SCN8A: variants seen among roughly 807,000 people sequenced by gnomAD.
SCN8A encodes the protein sodium voltage-gated channel alpha subunit 8.
SCN8A carries 30 observed loss-of-function variants against 184.1 expected under a neutral mutation model. That is an observed-to-expected ratio of 0.16 (90% CI 0.12 to 0.22). SCN8A has a LOEUF of 0.22. Among genes scored for constraint, SCN8A ranks in the 10% least tolerant of loss-of-function variants. The pLI, the probability that SCN8A is intolerant of heterozygous loss-of-function variation, is 1.00. For synonymous variants in SCN8A, 852 were observed against 907.0 expected (o/e 0.94, Z 1.09); for missense variants, 1,057 against 2,498.9 (o/e 0.42, Z 12.30).
chr12:51,651,595 C>T (rs1224953137), intron 1 of SCN8A, among the ~76,000 whole-genome samples: 4 of 152,208 alleles, frequency 2.6e-5, no homozygotes, highest in Non-Finnish European at 5.9e-5. Context: ...GACTTATTCA[C>T]TACTATGAGA....
In SCN8A at chr12:51,806,903, G is replaced by C; in HGVS notation, c.5417G>C (p.Cys1806Ser). ...DPDATQFIEY[C>S]KLADFADALE... Reference sequence around the variant, plus strand: ...GATGCCACCCAGTTCATTGAGTACTGTAAGCTGGCAGACTTTGCAGATGCC... The same window carrying C: ...GATGCCACCCAGTTCATTGAGTACTCTAAGCTGGCAGACTTTGCAGATGCC... The change falls in exon 27 of 27, where the codon TGT becomes TCT. Residue 1806 changes from cysteine to serine, a missense_variant. Coordinates refer to ENST00000627620, the MANE Select transcript of SCN8A (RefSeq NM_001330260.2). This position sits in a 1 kb window ranked among gnomAD's most constrained non-coding sequence, Gnocchi z 8.7. 1 of 1,613,424 alleles carries C rather than the reference G, an allele frequency of 6.2e-7. No homozygotes were observed. The highest frequency in any genetic ancestry group is 1.7e-4 in the Middle Eastern group (1 of 6,056).
chr12:51,623,821 G>A (rs1277332355), intron 1 of SCN8A, among the ~76,000 whole-genome samples: 2 of 151,968 alleles, frequency 1.3e-5, no homozygotes, highest in East Asian at 3.9e-4. Context: ...GTGTCCATGT[G>A]TTCTCATTGT....
chr12:51,735,113 C>T (rs755711586), intron 12 of SCN8A, among the ~76,000 whole-genome samples: 7 of 152,200 alleles, frequency 4.6e-5, no homozygotes, highest in African/African-American at 7.2e-5. Flanking sequence ...GCTCCCACAA[C>T]GAGCCCTATC....
chr12:51,686,032 T>C (rs369227293), intron 3 of SCN8A, among the ~76,000 whole-genome samples: 86 of 152,304 alleles, frequency 5.6e-4, no homozygotes, highest in African/African-American at 1.9e-3. Flanking sequence ...AGTGCAAAGG[T>C]ATTATACTAA....
intron 12 of SCN8A, among the ~76,000 whole-genome samples, chr12:51,734,118 G>A (rs2138805894): frequency 1.3e-5 from 2 of 151,966 alleles, no homozygotes; most frequent in South Asian, 2.1e-4. Flanking sequence ...CTAATTTGGG[G>A]TTTTGTTTGC....
intron 11 of SCN8A, among the ~76,000 whole-genome samples, chr12:51,721,038 G>T (rs1331825867): frequency 1.4e-5 from 2 of 139,144 alleles, no homozygotes; most frequent in Admixed American, 7.3e-5. Flanking sequence ...CCACACTCCA[G>T]CCTGGGCCAC....
chr12:51,666,035 C>T (rs1369605004), intron 2 of SCN8A, among the ~76,000 whole-genome samples: 1 of 151,914 alleles, frequency 6.6e-6, no homozygotes, highest in Non-Finnish European at 1.5e-5. Flanking sequence ...GCACTCCAGC[C>T]TGGGTGACAG....
At chr12:51,682,527 A>G (rs945446786) in intron 2 of SCN8A, among the ~76,000 whole-genome samples, 19 of 152,170 alleles carry the variant, frequency 1.2e-4, no homozygotes, top group African/African-American at 4.6e-4. Context: ...AAGGACATAG[A>G]TGTATGCTTT....
At chr12:51,671,297 G>A (rs969761179) in intron 2 of SCN8A, among the ~76,000 whole-genome samples, 7 of 152,154 alleles carry the variant, frequency 4.6e-5, no homozygotes, top group African/African-American at 2.4e-5. Flanking sequence ...GGTTTAACTC[G>A]GGTTAGATAT....
At chr12:51,636,358 G>A (rs1168956382) in intron 1 of SCN8A, among the ~76,000 whole-genome samples, 2 of 152,120 alleles carry the variant, frequency 1.3e-5, no homozygotes, top group African/African-American at 2.4e-5. Flanking sequence ...GTCGCTGTTT[G>A]TATCTGGAGT....
chr12:51,694,597 C>T (rs978860329), intron 6 of SCN8A, among the ~76,000 whole-genome samples: 2 of 152,160 alleles, frequency 1.3e-5, no homozygotes, highest in Non-Finnish European at 2.9e-5. Context: ...TTTGCCCCCA[C>T]GTGGCTTCTG....
chr12:51,684,120 T>C, intron 2 of SCN8A, 54 bp from the exon 3 acceptor site: 1 of 864,716 alleles, frequency 1.2e-6, no homozygotes, highest in Admixed American at 1.7e-5. Context: ...CATTGTTTCA[T>C]GTGGTGACTC....
intron 8 of SCN8A, among the ~76,000 whole-genome samples, chr12:51,702,105 C>T (rs1421393874): frequency 2.6e-5 from 4 of 151,854 alleles, no homozygotes; most frequent in Admixed American, 1.3e-4. Context: ...AGGCAGATCC[C>T]GAGGTCAGGA....
In SCN8A at chr12:51,809,795, AT is replaced by A. The variant is rs1179963946; in HGVS notation, c.*2367del. The A allele has an allele frequency of 1.3e-5, 2 of 152,190 alleles. No individual in the cohort carries two copies. The highest frequency in any genetic ancestry group is 3.8e-4 in the East Asian group (2 of 5,202). 9.4% of individuals were successfully genotyped at this position (152,190 alleles called of 1,614,324 possible). On this transcript the variant is annotated 3_prime_UTR_variant, in exon 27 of 27. Coordinates refer to ENST00000627620, the MANE Select transcript of SCN8A (RefSeq NM_001330260.2). The stretch of plus-strand genomic sequence containing the variant: ...ATGGCTTCTGGCTTATGCCATTGTC[AT>A]GTTTATTTTTATTTTTTATACTTTT...
intron 9 of SCN8A, among the ~76,000 whole-genome samples, chr12:51,704,744 G>T (rs1261100898): frequency 6.6e-6 from 1 of 151,642 alleles, no homozygotes; most frequent in Non-Finnish European, 1.5e-5. Flanking sequence ...GGAGGCCGAG[G>T]CGGGTGGATC....
intron 2 of SCN8A, among the ~76,000 whole-genome samples, chr12:51,665,446 C>G (rs1941014317): frequency 6.6e-6 from 1 of 152,108 alleles, no homozygotes; most frequent in Non-Finnish European, 1.5e-5. Flanking sequence ...TATATACCAC[C>G]ATACAGAAAA....
At chr12:51,697,432 C>T (rs989442884) in intron 6 of SCN8A, among the ~76,000 whole-genome samples, 3 of 152,166 alleles carry the variant, frequency 2.0e-5, no homozygotes, top group African/African-American at 7.2e-5. Context: ...TTGTGCTAGG[C>T]AGAGCATCCA....
Position 51,786,829 on chromosome 12 carries a change from A to G in SCN8A, c.4227+3A>G, listed in dbSNP as rs1341364165. On this transcript the variant is annotated splice_donor_region_variant and intron_variant, in intron 22 of 26. Transcript: ENST00000627620. ...GATACCTGGCCCTTCTTCAAGTAGTAAGTAGTGTTTTTGTTTTTGTTTTTT... is the reference window on the plus strand; with the variant it reads ...GATACCTGGCCCTTCTTCAAGTAGTGAGTAGTGTTTTTGTTTTTGTTTTTT... 2 of 1,609,720 alleles carry G rather than the reference A, an allele frequency of 1.2e-6. No homozygotes were observed. Among genetic ancestry groups the G allele is most frequent in the Non-Finnish European group, 1.7e-6 (2 of 1,178,920 alleles).
Position 51,625,427 on chromosome 12 carries a change from CGTT to C in SCN8A, c.-55+34073_-55+34075del, listed in dbSNP as rs1369172016. On this transcript the variant is annotated intron_variant, in intron 1 of 26. Transcript: ENST00000627620. ...CTTTATTCAGTCACCTGTCAAAAGA[CGTT>C]GTTGCTTCCAGTTTTGGATGCTTAT... Among the ~76,000 whole-genome samples, 5 of 152,302 alleles carry C rather than the reference CGTT, an allele frequency of 3.3e-5. No homozygotes were observed. In the South Asian group the frequency reaches 8.3e-4, roughly 25 times the overall value.
Sources: gnomAD v4.1 joint callset for allele counts (sites outside exome capture counted in the v4.1 genomes callset) on GRCh38, gnomAD v4.1.1 for gene constraint, Gnocchi (gnomAD v3.1) non-coding constraint, MANE v1.5 for transcripts, NCBI Gene and HGNC (gene_info 2026-07-23, HGNC 2026-07-21) for gene names.